The following NDST3 variants were observed in gnomAD, a reference collection of about 807,000 sequenced individuals.
NDST3 encodes the protein bifunctional heparan sulfate N-deacetylase/N-sulfotransferase 3.
Under a neutral mutation model 96.1 loss-of-function variants are expected in NDST3, and 58 were observed. That is an observed-to-expected ratio of 0.60 (90% CI 0.49 to 0.75). NDST3 has a LOEUF of 0.75. Ranked by LOEUF, NDST3 falls within the 30% of genes least tolerant of loss-of-function variation. The pLI is 0.00. For missense variants in NDST3, 788 were observed against 1,034.2 expected, an observed-to-expected ratio of 0.76 and a Z score of 3.27; for synonymous variants, 333 against 359.7, an observed-to-expected ratio of 0.93 and a Z score of 0.84.
chr4:118,036,428 C>T (rs553039474), intron 1 of NDST3, among the ~76,000 whole-genome samples: 9 of 152,230 alleles, frequency 5.9e-5, no homozygotes, highest in Middle Eastern at 6.8e-3. Context: ...TTTCTAATTG[C>T]TTAACAGTTC....
chr4:118,114,606 T>C (rs1001266942), intron 3 of NDST3, among the ~76,000 whole-genome samples, 200 bp from the exon 4 acceptor site: 2 of 152,256 alleles, frequency 1.3e-5, no homozygotes, highest in African/African-American at 4.8e-5. Flanking sequence ...TAATAACATT[T>C]AAGAGTTTTA....
intron 4 of NDST3, among the ~76,000 whole-genome samples, chr4:118,127,230 G>T (rs12501122): frequency 0.51 from 77,900 of 151,718 alleles, 24,033 homozygotes; most frequent in East Asian, 0.74. Context: ...TTTGTTGGTT[G>T]CCTGTGCTTG....
At chr4:118,070,821 C>T (rs1407655543) in intron 2 of NDST3, among the ~76,000 whole-genome samples, 1 of 152,040 alleles carries the variant, frequency 6.6e-6, no homozygotes, top group Non-Finnish European at 1.5e-5. Context: ...TGACAGGCCC[C>T]AGTGTGTGAT....
chr4:118,143,106 G>C (rs890424218), intron 5 of NDST3, among the ~76,000 whole-genome samples: 5 of 152,128 alleles, frequency 3.3e-5, no homozygotes, highest in African/African-American at 1.2e-4. Flanking sequence ...AGCACATTGA[G>C]TTGATAACTG....
At chr4:118,193,605 G>A (rs1265106525) in intron 6 of NDST3, 42 of 1,208,470 alleles carry the variant, frequency 3.5e-5, no homozygotes, top group Non-Finnish European at 4.9e-5. Context: ...CACACAGCCA[G>A]CTGGGCCTTG....
intron 6 of NDST3, among the ~76,000 whole-genome samples, chr4:118,208,546 A>T (rs912107750): frequency 6.9e-6 from 1 of 144,218 alleles, no homozygotes; most frequent in East Asian, 2.0e-4. Flanking sequence ...TTACTTCTTA[A>T]AATTTCTTAT....
chr4:118,081,311 T>A (rs1339250473), intron 2 of NDST3, among the ~76,000 whole-genome samples: 3 of 152,154 alleles, frequency 2.0e-5, no homozygotes, highest in Non-Finnish European at 4.4e-5. Context: ...TTATGCAAGG[T>A]TTTTGCACTT....
intron 2 of NDST3, among the ~76,000 whole-genome samples, chr4:118,099,139 G>C (rs1444497951): frequency 6.6e-6 from 1 of 152,168 alleles, no homozygotes; most frequent in South Asian, 2.1e-4. Flanking sequence ...TTTCCAAGGG[G>C]GAACTGTGAT....
At chr4:118,068,066 A>G (rs1726742079) in intron 2 of NDST3, among the ~76,000 whole-genome samples, 1 of 151,396 alleles carries the variant, frequency 6.6e-6, no homozygotes, top group Non-Finnish European at 1.5e-5. Flanking sequence ...TTGTTTCTCT[A>G]TTGTAATTGA....
At chr4:118,213,524 G>A (rs903400580) in intron 6 of NDST3, among the ~76,000 whole-genome samples, 2 of 151,844 alleles carry the variant, frequency 1.3e-5, no homozygotes, top group Admixed American at 1.3e-4. Flanking sequence ...GTAGAAAACT[G>A]ACTAAGGACA....
intron 2 of NDST3, among the ~76,000 whole-genome samples, chr4:118,099,892 G>A (rs1729625458): frequency 6.6e-6 from 1 of 152,056 alleles, no homozygotes; most frequent in Admixed American, 6.6e-5. Context: ...GAGAGACTAA[G>A]GTGGTCATTG....
chr4:118,132,133 G>A (rs1732677539), intron 4 of NDST3, among the ~76,000 whole-genome samples: 1 of 152,184 alleles, frequency 6.6e-6, no homozygotes, highest in Non-Finnish European at 1.5e-5. Context: ...AGCCAAGTTT[G>A]TGTCCTTCCC....
intron 2 of NDST3, among the ~76,000 whole-genome samples, chr4:118,056,694 G>A (rs1241624197): frequency 1.3e-5 from 2 of 151,934 alleles, no homozygotes; most frequent in East Asian, 3.9e-4. Flanking sequence ...CCATTCCAGA[G>A]AAGAGGGGCA....
chr4:118,134,099 A>C (rs945094617), intron 4 of NDST3, among the ~76,000 whole-genome samples: 2 of 152,252 alleles, frequency 1.3e-5, no homozygotes, highest in African/African-American at 4.8e-5. Context: ...AAGATATGAC[A>C]GAATAAATTA....
In NDST3 at chr4:118,103,120, G is replaced by A. The variant is rs377727475; in HGVS notation, c.982-1898G>A. Among the ~76,000 whole-genome samples the A allele has an allele frequency of 4.4e-4, 67 of 152,130 alleles. No individual in the cohort carries two copies. The East Asian group carries it at 4.6e-3, about 11-fold the overall frequency. On this transcript the variant is annotated intron_variant, in intron 2 of 13. Transcript: ENST00000296499. ...AGTTTTGTAAATGTACATTAAAAAT[G>A]CAATCAAGGATCACAAAGCAAAGTT...
At chr4:118,065,700 C>G (rs1726256685) in intron 2 of NDST3, among the ~76,000 whole-genome samples, 1 of 151,852 alleles carries the variant, frequency 6.6e-6, no homozygotes, top group African/African-American at 2.4e-5. Flanking sequence ...GCATCCACCT[C>G]AGTTTCAGTG....
intron 6 of NDST3, among the ~76,000 whole-genome samples, chr4:118,148,893 A>C (rs1395380188): frequency 6.6e-6 from 1 of 152,184 alleles, no homozygotes. Flanking sequence ...TCCTGGTCTA[A>C]CGTTTAAGTC....
intron 2 of NDST3, among the ~76,000 whole-genome samples, chr4:118,101,867 A>T (rs545998131): frequency 1.8e-4 from 27 of 152,274 alleles, no homozygotes; most frequent in South Asian, 1.2e-3. Context: ...TGGGTAAATA[A>T]ATTATAGTAT....
At chr4:118,078,075 T>G (rs1427623612) in intron 2 of NDST3, among the ~76,000 whole-genome samples, 1 of 152,012 alleles carries the variant, frequency 6.6e-6, no homozygotes. Context: ...GCCAGGGGAT[T>G]TTTTCATTCC....
Sources: gnomAD v4.1 joint callset for allele counts (sites outside exome capture counted in the v4.1 genomes callset) on GRCh38, gnomAD v4.1.1 for gene constraint, MANE v1.5 for transcripts, NCBI Gene and HGNC (gene_info 2026-07-23, HGNC 2026-07-21) for gene names.